Variants in CPA6 observed in about 807,000 individuals in gnomAD.
CPA6 encodes carboxypeptidase A6, also known as carboxypeptidase B.
CPA6 carries 58 observed loss-of-function variants against 63.3 expected under a neutral mutation model. The observed-to-expected ratio is 0.92, with a 90% CI of 0.74 to 1.14. The LOEUF is 1.14. Among genes scored for constraint, CPA6 ranks in the 50% most tolerant of loss-of-function variants. CPA6 has a pLI of 0.00. For missense variants in CPA6, 565 were observed against 526.6 expected (o/e 1.07, Z -0.71); for synonymous variants, 185 against 179.0 (o/e 1.03, Z -0.27).
chr8:67,517,060 G>A (rs946556145), intron 3 of CPA6, among the ~76,000 whole-genome samples: 1 of 152,050 alleles, frequency 6.6e-6, no homozygotes, highest in African/African-American at 2.4e-5. Flanking sequence ...GCCTCCCAAA[G>A]TCTGGGATTC....
At chr8:67,721,992 A>T (rs57705824) in intron 1 of CPA6, among the ~76,000 whole-genome samples, 3,224 of 152,294 alleles carry the variant, frequency 0.021, 103 homozygotes, top group African/African-American at 0.069. Flanking sequence ...AAATAAGGCA[A>T]ATGCCAAGCT....
intron 1 of CPA6, among the ~76,000 whole-genome samples, chr8:67,687,018 G>A (rs7012415): frequency 0.47 from 71,583 of 152,002 alleles, 20,002 homozygotes; most frequent in African/African-American, 0.79. Flanking sequence ...AGAATCTCCC[G>A]GCCTTCTCAA....
chr8:67,625,498 G>C lies in CPA6; in HGVS notation c.117-1247C>G, dbSNP rs147694667. 3.1e-3 allele frequency among the ~76,000 whole-genome samples: 465 copies of C among 152,278 alleles called. 1 individual carries two copies. The highest frequency in any genetic ancestry group is 9.0e-3 in the African/African-American group (375 of 41,556). ...GGCTATCAATTTTTAGGTGTGTCAT[G>C]ATGAGGACAGGTTGGGAAGCACAGC... On this transcript the variant is annotated intron_variant, in intron 1 of 10. Transcript: ENST00000297770.
At chr8:67,445,909 A>G (rs986729458) in intron 8 of CPA6, among the ~76,000 whole-genome samples, 2 of 152,240 alleles carry the variant, frequency 1.3e-5, no homozygotes, top group Non-Finnish European at 2.9e-5. Flanking sequence ...AAAAAAGAAC[A>G]TGCAATTGTA....
At chr8:67,641,691 C>G (rs991181216) in intron 1 of CPA6, among the ~76,000 whole-genome samples, 2 of 152,070 alleles carry the variant, frequency 1.3e-5, no homozygotes, top group Non-Finnish European at 2.9e-5. Context: ...GAAAAGGATG[C>G]TATGACCATC....
chr8:67,476,917 G>C (rs1811252724), intron 8 of CPA6, among the ~76,000 whole-genome samples: 1 of 152,164 alleles, frequency 6.6e-6, no homozygotes, highest in African/African-American at 2.4e-5. Flanking sequence ...TGCCAGCCAT[G>C]TATCAACAAT....
At chr8:67,656,296 A>G (rs1415303931) in intron 1 of CPA6, among the ~76,000 whole-genome samples, 3 of 152,174 alleles carry the variant, frequency 2.0e-5, no homozygotes, top group Non-Finnish European at 4.4e-5. Context: ...CATGAAACCC[A>G]TAACTGTAAA....
intron 2 of CPA6, among the ~76,000 whole-genome samples, chr8:67,617,098 G>A (rs1159193112): frequency 6.6e-6 from 1 of 152,118 alleles, no homozygotes; most frequent in African/African-American, 2.4e-5. Flanking sequence ...AAAGAAACAC[G>A]ATCAGCTTAA....
intron 1 of CPA6, among the ~76,000 whole-genome samples, chr8:67,698,816 T>C (rs1816961029): frequency 6.6e-6 from 1 of 152,176 alleles, no homozygotes; most frequent in South Asian, 2.1e-4. Context: ...CTAACTGATA[T>C]CACAATGAAA....
chr8:67,451,031 A>G (rs967548179), intron 8 of CPA6, among the ~76,000 whole-genome samples: 14 of 152,184 alleles, frequency 9.2e-5, no homozygotes, highest in Non-Finnish European at 1.6e-4. Flanking sequence ...GTCCTGGACT[A>G]CAGTTTCCCG....
intron 2 of CPA6, among the ~76,000 whole-genome samples, chr8:67,593,203 G>A (rs1365255608): frequency 6.6e-6 from 1 of 150,880 alleles, no homozygotes; most frequent in African/African-American, 2.4e-5. Flanking sequence ...TTTTGAGTGA[G>A]TTTCTTAATC....
At chr8:67,490,276 T>C (rs543020804) in intron 6 of CPA6, among the ~76,000 whole-genome samples, 97 of 152,322 alleles carry the variant, frequency 6.4e-4, no homozygotes, top group African/African-American at 2.3e-3. Context: ...GGGTGTGCTT[T>C]TCTTCTAATG....
chr8:67,571,346 A>T (rs987926449), intron 2 of CPA6, among the ~76,000 whole-genome samples: 24 of 152,350 alleles, frequency 1.6e-4, no homozygotes, highest in Admixed American at 1.4e-3. Context: ...TCTTTAGATC[A>T]TATGGAACTA....
intron 1 of CPA6, among the ~76,000 whole-genome samples, chr8:67,741,958 C>G (rs1215509402): frequency 6.6e-6 from 1 of 152,176 alleles, no homozygotes; most frequent in African/African-American, 2.4e-5. Context: ...CACTACCACA[C>G]AGCACTTACA....
chr8:67,502,575 T>C (rs1811849840), intron 6 of CPA6, among the ~76,000 whole-genome samples: 1 of 152,252 alleles, frequency 6.6e-6, no homozygotes, highest in Non-Finnish European at 1.5e-5. Context: ...GAAGAGCTTA[T>C]TGTTTTGAGA....
chr8:67,560,892 C>T (rs966022000), intron 2 of CPA6, among the ~76,000 whole-genome samples: 1 of 152,104 alleles, frequency 6.6e-6, no homozygotes, highest in Non-Finnish European at 1.5e-5. Flanking sequence ...AAGCCATTTT[C>T]CCTGCCCACA....
chr8:67,542,561 A>G (rs540883576), intron 2 of CPA6, among the ~76,000 whole-genome samples: 51 of 152,324 alleles, frequency 3.3e-4, no homozygotes, highest in African/African-American at 1.1e-3. Context: ...ATGCAGGTAC[A>G]ATCTGTTCTG....
chr8:67,629,495 AAAT>A, intron 1 of CPA6, among the ~76,000 whole-genome samples: 1 of 151,798 alleles, frequency 6.6e-6, no homozygotes, highest in Non-Finnish European at 1.5e-5. Context: ...AAAAAAAAAA[AAAT>A]AAGACCCAAA....
intron 1 of CPA6, among the ~76,000 whole-genome samples, chr8:67,664,080 GT>G (rs1292761397): frequency 6.6e-6 from 1 of 152,168 alleles, no homozygotes; most frequent in East Asian, 1.9e-4. Context: ...AAGTTTTAAA[GT>G]TCTCATCTTA....
Sources: allele counts gnomAD v4.1 joint callset (sites outside exome capture counted in the v4.1 genomes callset), GRCh38; gene constraint gnomAD v4.1.1; transcripts MANE v1.5; gene names NCBI Gene and HGNC (gene_info 2026-07-23, HGNC 2026-07-21).